The following PALM2AKAP2 variants were observed in gnomAD, a reference collection of about 807,000 sequenced individuals.
PALM2AKAP2 encodes the protein PALM2 and AKAP2 fusion.
In PALM2AKAP2, 37 loss-of-function variants were observed where a neutral mutation model predicts 71.5. That is an observed-to-expected ratio of 0.52 (90% CI 0.40 to 0.68). PALM2AKAP2 has a LOEUF of 0.68. Ranked by LOEUF, PALM2AKAP2 falls within the 30% of genes least tolerant of loss-of-function variation. The pLI is 0.00. For missense variants in PALM2AKAP2, 1,224 were observed against 1,191.8 expected, an observed-to-expected ratio of 1.03 and a Z score of -0.40; for synonymous variants, 468 against 478.8, an observed-to-expected ratio of 0.98 and a Z score of 0.29.
rs149238045 is a variant in PALM2AKAP2, at chr9:109,756,863, A to G, written c.6-23625A>G. On this transcript the variant is annotated intron_variant, in intron 1 of 6. Coordinates refer to the PALM2AKAP2 transcript ENST00000374531. ...AATTTTTTTTGATGAGTACATATTT[A>G]TAGGGCACATGTGATATTTTGAGTA... Among the ~76,000 whole-genome samples the G allele has an allele frequency of 6.6e-3, 1,000 of 152,254 alleles. 9 individuals carry two copies. The highest frequency in any genetic ancestry group is 0.014 in the Middle Eastern group (4 of 294).
chr9:109,734,008 A>C (rs1828593437), intron 1 of PALM2AKAP2, among the ~76,000 whole-genome samples: 2 of 152,206 alleles, frequency 1.3e-5, no homozygotes, highest in African/African-American at 2.4e-5. Flanking sequence ...GCCATTGTTG[A>C]GTAATTTGAT....
chr9:110,025,457 G>T, intron 7 of PALM2AKAP2: 2 of 648,624 alleles, frequency 3.1e-6, no homozygotes, highest in Non-Finnish European at 5.4e-6. Flanking sequence ...TCTACCTTCT[G>T]GCAGTAAGTA....
chr9:109,664,101 G>C (rs1234011395), intron 1 of PALM2AKAP2, among the ~76,000 whole-genome samples: 2 of 152,122 alleles, frequency 1.3e-5, no homozygotes, highest in East Asian at 1.9e-4. Flanking sequence ...TGAGATGGGT[G>C]TCCTGAATAC....
chr9:109,769,537 A>G (rs1385315760), intron 1 of PALM2AKAP2, among the ~76,000 whole-genome samples: 1 of 152,216 alleles, frequency 6.6e-6, no homozygotes, highest in Non-Finnish European at 1.5e-5. Context: ...AGAGTCCAAT[A>G]GTTTTGGACT....
chr9:110,048,787 G>T (rs748032424), exon 1 of PALM2AKAP2: 1 of 1,534,506 alleles, frequency 6.5e-7, no homozygotes, highest in Admixed American at 2.0e-5. Context: ...GGAGCGGGAG[G>T]CAGCGGCCGC....
intron 5 of PALM2AKAP2, among the ~76,000 whole-genome samples, chr9:109,928,623 C>T (rs1226150100): frequency 3.3e-5 from 5 of 151,772 alleles, no homozygotes; most frequent in African/African-American, 4.8e-5. Flanking sequence ...GGGGGCTGCT[C>T]TGTCCTCTTT....
At chr9:110,059,322 C>T (rs1461981934) in intron 1 of PALM2AKAP2, among the ~76,000 whole-genome samples, 1 of 152,180 alleles carries the variant, frequency 6.6e-6, no homozygotes, top group Non-Finnish European at 1.5e-5. Context: ...CTTAAATTAA[C>T]TTGCTCTTTC....
At chr9:109,826,434 A>G (rs1268203727) in intron 1 of PALM2AKAP2, among the ~76,000 whole-genome samples, 1 of 152,174 alleles carries the variant, frequency 6.6e-6, no homozygotes, top group East Asian at 1.9e-4. Context: ...TACTTGGGAA[A>G]AACATGTTTA....
At chr9:109,791,552 G>A (rs1166320838) in intron 1 of PALM2AKAP2, among the ~76,000 whole-genome samples, 1 of 152,176 alleles carries the variant, frequency 6.6e-6, no homozygotes, top group Non-Finnish European at 1.5e-5. Flanking sequence ...AGGGAAAGAT[G>A]GTACTTCATC....
At chr9:109,750,139 A>T (rs1375687070) in intron 1 of PALM2AKAP2, among the ~76,000 whole-genome samples, 1 of 152,258 alleles carries the variant, frequency 6.6e-6, no homozygotes, top group Non-Finnish European at 1.5e-5. Context: ...AACTCCGTGA[A>T]ACAGGAAATG....
intron 3 of PALM2AKAP2, among the ~76,000 whole-genome samples, chr9:109,909,495 G>C (rs560759284): frequency 6.6e-6 from 1 of 152,274 alleles, no homozygotes; most frequent in African/African-American, 2.4e-5. Context: ...CAGGTTCCTT[G>C]CTAGATACAG....
intron 1 of PALM2AKAP2, among the ~76,000 whole-genome samples, chr9:110,135,709 C>T (rs1835848013): frequency 6.6e-6 from 1 of 152,144 alleles, no homozygotes; most frequent in African/African-American, 2.4e-5. Context: ...TTTCTTGTCT[C>T]CAGAATAACT....
chr9:110,118,199 A>G (rs1835408795), intron 1 of PALM2AKAP2, among the ~76,000 whole-genome samples: 1 of 81,062 alleles, frequency 1.2e-5, no homozygotes, highest in African/African-American at 4.6e-5. Flanking sequence ...ATGTATATAT[A>G]CAGAAATATA....
At chr9:109,957,812 T>C (rs1469476790) in intron 6 of PALM2AKAP2, among the ~76,000 whole-genome samples, 2 of 152,186 alleles carry the variant, frequency 1.3e-5, no homozygotes, top group African/African-American at 2.4e-5. Context: ...GGCACATTTA[T>C]TAAATGGTTC....
chr9:109,990,354 C>G (rs1356734465), intron 6 of PALM2AKAP2, among the ~76,000 whole-genome samples: 1 of 152,176 alleles, frequency 6.6e-6, no homozygotes, highest in Non-Finnish European at 1.5e-5. Flanking sequence ...GCCACCGTGC[C>G]TTGCCTGAAC....
At chr9:110,096,792 G>GT (rs927187911) in intron 1 of PALM2AKAP2, among the ~76,000 whole-genome samples, 6 of 150,516 alleles carry the variant, frequency 4.0e-5, no homozygotes, top group African/African-American at 1.5e-4. Flanking sequence ...TGGGGGGTTG[G>GT]GGGGGGGTGA....
At chr9:110,108,291 T>C (rs939243398) in intron 1 of PALM2AKAP2, among the ~76,000 whole-genome samples, 3 of 151,896 alleles carry the variant, frequency 2.0e-5, no homozygotes, top group Non-Finnish European at 4.4e-5. Flanking sequence ...TTTGTATTTT[T>C]TAGTAGAGAC....
At chr9:109,904,243 G>T (rs1053528069) in intron 3 of PALM2AKAP2, among the ~76,000 whole-genome samples, 1 of 152,114 alleles carries the variant, frequency 6.6e-6, no homozygotes, top group Non-Finnish European at 1.5e-5. Flanking sequence ...ATAGATTGAG[G>T]AGAAAATCAG....
chr9:109,940,321 A>T (rs192971569), intron 6 of PALM2AKAP2, among the ~76,000 whole-genome samples: 1 of 152,302 alleles, frequency 6.6e-6, no homozygotes, highest in African/African-American at 2.4e-5. Flanking sequence ...GTTTAGAAAA[A>T]GTATTGAGAA....
Sources: allele counts gnomAD v4.1 joint callset (sites outside exome capture counted in the v4.1 genomes callset), GRCh38; gene constraint gnomAD v4.1.1; transcripts MANE v1.5; gene names NCBI Gene and HGNC (gene_info 2026-07-23, HGNC 2026-07-21).